Variants in MALT1 observed in about 807,000 individuals in gnomAD.
MALT1 encodes mucosa-associated lymphoid tissue lymphoma translocation protein 1.
MALT1 carries 36 observed loss-of-function variants against 85.5 expected under a neutral mutation model. The ratio of observed to expected loss-of-function variants is 0.42; its 90% CI spans 0.32 to 0.56. The LOEUF is 0.56. Among genes scored for constraint, MALT1 ranks in the 20% least tolerant of loss-of-function variants. The probability of loss-of-function intolerance (pLI) is 0.10; values close to 1 mark genes in which losing one functional copy is unlikely to be tolerated. For synonymous variants in MALT1, 359 were observed against 361.3 expected (o/e 0.99, Z 0.07); for missense variants, 716 against 981.6 (o/e 0.73, Z 3.62).
rs1208065161 is a variant in MALT1 at position 58,751,099 on chromosome 18, C to T, written c.*3257C>T. ...CTCCCAGTGTGATAGCCTTTAGCCTCATGGGGTTGTTGAGCAGTTGAAATA... is the reference window on the plus strand; with the variant it reads ...CTCCCAGTGTGATAGCCTTTAGCCTTATGGGGTTGTTGAGCAGTTGAAATA... On this transcript the variant is annotated 3_prime_UTR_variant, in exon 17 of 17. Transcript: ENST00000649217. The T allele has an allele frequency of 1.3e-5, 2 of 152,210 alleles. No homozygotes were observed. Among genetic ancestry groups the T allele is most frequent in the African/African-American group, 4.8e-5 (2 of 41,430 alleles). 9.4% of individuals were successfully genotyped at this position (152,210 alleles called of 1,614,324 possible). A position where few individuals can be genotyped will look rare whatever the true frequency, so the allele number is the denominator to read the frequency against.
chr18:58,674,263 C>G (rs2054208703), intron 1 of MALT1: 1 of 152,168 alleles, frequency 6.6e-6, no homozygotes, highest in Admixed American at 6.5e-5. Flanking sequence ...TTGTTAAAGG[C>G]TACAAAATGG....
intron 13 of MALT1, among the ~76,000 whole-genome samples, chr18:58,738,788 TCTGTG>T (rs200499667): frequency 1.0e-4 from 12 of 120,568 alleles, no homozygotes; most frequent in East Asian, 2.7e-4. Context: ...TGTGCATTCT[TCTGTG>T]TGTGTGTGTG....
rs764707792 is a variant in MALT1 at position 58,714,086 on chromosome 18, A to C, written c.962A>C (p.Glu321Ala). 4.8e-6 allele frequency: 6 copies of C among 1,253,942 alleles called. No homozygotes were observed. The highest frequency in any genetic ancestry group is 2.0e-5 in the Admixed American group (1 of 50,312). 77.7% of individuals were successfully genotyped at this position (1,253,942 alleles called of 1,614,324 possible). A position where few individuals can be genotyped will look rare whatever the true frequency, so the allele number is the denominator to read the frequency against. ...TDEAVECTED[E>A]LNNLGHPDNK... ...ATTTTCTCTTACTTTGTTTTAGATG[A>C]ATTAAATAATCTTGGTCATCCTGGT... is the stretch of plus-strand genomic sequence containing the variant. The change falls in exon 8 of 17, where the codon GAA becomes GCA. Residue 321 changes from glutamate (E) to alanine (A), a missense_variant. By Grantham distance (107) the Glu-to-Ala change is moderately radical. Around this residue, in one of 4 missense-constraint regions of MALT1, gnomAD observed 290 missense variants for 380.5 expected, o/e 0.76. Coordinates refer to ENST00000649217, the MANE Select transcript of MALT1 (RefSeq NM_006785.4).
chr18:58,732,797 TTTATA>T (rs1248243495), intron 10 of MALT1, among the ~76,000 whole-genome samples: 1 of 144,240 alleles, frequency 6.9e-6, no homozygotes, highest in Non-Finnish European at 1.5e-5. Flanking sequence ...AAAATTGTAT[TTTATA>T]TTATACTATT....
intron 2 of MALT1, chr18:58,692,026 G>C (rs533173154): frequency 2.1e-5 from 3 of 140,620 alleles, no homozygotes; most frequent in Non-Finnish European, 4.6e-5. Flanking sequence ...TCTGGGCGAC[G>C]GAGCGAGACT....
chr18:58,733,985 G>A, intron 11 of MALT1: 1 of 1,168,810 alleles, frequency 8.6e-7, no homozygotes, highest in Non-Finnish European at 1.1e-6. Context: ...TTGGAGGTTT[G>A]GATCCCATTT....
chr18:58,691,745 G>A (rs997484034), intron 2 of MALT1: 17 of 153,758 alleles, frequency 1.1e-4, no homozygotes, highest in Non-Finnish European at 2.9e-5. Context: ...GCGGGCGCCT[G>A]TAGTCCCAGC....
At position 58,747,440 on chromosome 18, in the gene MALT1, G is replaced by T. The variant is rs144005348; in HGVS notation, c.2073G>T (p.Gln691His). 4.9e-5 allele frequency: 79 copies of T among 1,613,724 alleles called. No homozygotes were observed. Among genetic ancestry groups the T allele is most frequent in the Non-Finnish European group, 6.6e-5 (78 of 1,179,758 alleles). The change falls in exon 17 of 17, where the codon CAG becomes CAT. Residue 691 changes from glutamine (Q) to histidine (H), a missense_variant. Physicochemically the swap from Gln to His is conservative, Grantham distance 24. Around this residue, in one of 4 missense-constraint regions of MALT1, gnomAD observed 260 missense variants for 323.7 expected, o/e 0.80. Coordinates refer to ENST00000649217, the MANE Select transcript of MALT1 (RefSeq NM_006785.4). ...TCTTCACAGTATGTTTATCATATCA[G>T]TACTCAGGATTGGAAGATACTGTAG... ...HLVFTVCLSY[Q>H]YSGLEDTVED...
rs771113365 is a variant in MALT1, at chr18:58,747,796, A to AAATACCATTTAGTTTCT, written c.2430_2446dup (p.Ser816Ter). ...AATGTGCCAGTAGAGACAACTGATG[A>AAATACCATTTAGTTTCT]AATACCATTTAGTTTCTCTGACAGG... On this transcript the variant is annotated frameshift_variant, in exon 17 of 17. Coordinates refer to ENST00000649217, the MANE Select transcript of MALT1 (RefSeq NM_006785.4). LOFTEE classifies it high-confidence loss of function. The AAATACCATTTAGTTTCT allele has an allele frequency of 5.0e-6, 8 of 1,614,016 alleles. No individual in the cohort carries two copies. Among genetic ancestry groups the AAATACCATTTAGTTTCT allele is most frequent in the Non-Finnish European group, 6.8e-6 (8 of 1,179,988 alleles).
chr18:58,722,527 C>T (rs1029845645), intron 9 of MALT1, among the ~76,000 whole-genome samples: 1 of 152,102 alleles, frequency 6.6e-6, no homozygotes, highest in Non-Finnish European at 1.5e-5. Context: ...CTGCAGAAAC[C>T]AAGAATACAG....
intron 4 of MALT1, among the ~76,000 whole-genome samples, chr18:58,703,988 ATGT>A (rs1332503411): frequency 6.6e-6 from 1 of 152,158 alleles, no homozygotes; most frequent in Admixed American, 6.5e-5. Flanking sequence ...AAATTTACTC[ATGT>A]TGTTCAGTGT....
At chr18:58,715,658 G>A (rs1268567402) in intron 8 of MALT1, among the ~76,000 whole-genome samples, 1 of 152,062 alleles carries the variant, frequency 6.6e-6, no homozygotes, top group East Asian at 1.9e-4. Flanking sequence ...ATAATAGTAG[G>A]CACCTCATAG....
chr18:58,684,228 T>A (rs992597812), intron 2 of MALT1, among the ~76,000 whole-genome samples: 4 of 150,734 alleles, frequency 2.7e-5, no homozygotes, highest in African/African-American at 4.9e-5. Context: ...GCCACCGCCC[T>A]GTTTCTGTGT....
intron 9 of MALT1, 35 bp downstream of exon 9, chr18:58,716,002 A>G (rs766060013): frequency 2.7e-6 from 4 of 1,486,276 alleles, no homozygotes; most frequent in South Asian, 2.4e-5. Context: ...ATCAAAGTAT[A>G]ATTATTGTGT....
chr18:58,721,676 A>G (rs1416096757), intron 9 of MALT1, among the ~76,000 whole-genome samples: 1 of 152,182 alleles, frequency 6.6e-6, no homozygotes, highest in Non-Finnish European at 1.5e-5. Flanking sequence ...TAAGTGTTCC[A>G]TGGAAAGAAA....
rs1602262666 is a variant in MALT1 at position 58,671,481 on chromosome 18, G to A, written c.-163G>A. 4 of 424,238 alleles carry A rather than the reference G, an allele frequency of 9.4e-6. No individual in the cohort carries two copies. Among genetic ancestry groups the A allele is most frequent in the African/African-American group, 2.1e-5 (1 of 48,384 alleles). The allele number at this position is 424,238 out of a possible 1,614,324, so 26.3% of individuals were successfully genotyped here. On this transcript the variant is annotated 5_prime_UTR_variant, in exon 1 of 17. Transcript: ENST00000649217. ...CCCCTCGGCAAACCTGTCTAATTGGGGCGGGGAGCGGAGCTTCCTCCTCTG... is the reference window on the plus strand; with the variant it reads ...CCCCTCGGCAAACCTGTCTAATTGGAGCGGGGAGCGGAGCTTCCTCCTCTG...
At chr18:58,695,411 T>C (rs1462650278) in intron 2 of MALT1, among the ~76,000 whole-genome samples, 1 of 152,216 alleles carries the variant, frequency 6.6e-6, no homozygotes, top group Admixed American at 6.5e-5. Flanking sequence ...CTGTCAAAAG[T>C]CTTCCAAGCT....
intron 10 of MALT1, among the ~76,000 whole-genome samples, chr18:58,728,196 C>CAG (rs1019590994): frequency 6.6e-6 from 1 of 152,172 alleles, no homozygotes; most frequent in African/African-American, 2.4e-5. Flanking sequence ...TTTCTAAGTA[C>CAG]AGTAAGTTCT....
Position 58,749,183 on chromosome 18 carries a change from T to TAAAC in MALT1, c.*1343_*1346dup, listed in dbSNP as rs1443281944. On this transcript the variant is annotated 3_prime_UTR_variant, in exon 17 of 17. Coordinates refer to ENST00000649217, the MANE Select transcript of MALT1 (RefSeq NM_006785.4). ...TTATGTTCTACAGAATATTCTCCCATAAACACTGAATTAAATATGGAACAA... is the reference window on the plus strand; with the variant it reads ...TTATGTTCTACAGAATATTCTCCCATAAACAAACACTGAATTAAATATGGAACAA... The TAAAC allele has an allele frequency of 4.6e-6, 1 of 217,146 alleles. No individual in the cohort carries two copies. Among genetic ancestry groups the TAAAC allele is most frequent in the African/African-American group, 2.3e-5 (1 of 44,430 alleles). 13.5% of individuals were successfully genotyped at this position (217,146 alleles called of 1,614,324 possible).
Sources: allele counts gnomAD v4.1 joint callset (sites outside exome capture counted in the v4.1 genomes callset), GRCh38; gene constraint gnomAD v4.1.1; regional missense constraint gnomAD v4.1.1; transcripts MANE v1.5; gene names NCBI Gene and HGNC (gene_info 2026-07-23, HGNC 2026-07-21).